NHS: variants seen among roughly 807,000 people sequenced by gnomAD.
The protein encoded by NHS is NHS actin remodeling regulator.
Under a neutral mutation model 72.5 loss-of-function variants are expected in NHS, and 5 were observed. That is an observed-to-expected ratio of 0.07 (90% CI 0.04 to 0.14). The LOEUF is 0.14. Ranked by LOEUF, NHS falls within the 10% of genes least tolerant of loss-of-function variation. The probability of loss-of-function intolerance (pLI) is 1.00; values close to 1 mark genes in which losing one functional copy is unlikely to be tolerated. For synonymous variants in NHS, 464 were observed against 547.7 expected (o/e 0.85, Z 2.13); for missense variants, 1,072 against 1,355.7 (o/e 0.79, Z 3.29).
At chrX:17,695,406 G>T (rs938237293) in intron 3 of NHS, among the ~76,000 whole-genome samples, 1 of 112,247 alleles carries the variant, frequency 8.9e-6, no homozygotes, top group Non-Finnish European at 1.9e-5. Context: ...TGTTAGAGAA[G>T]AATATTTAAT....
At chrX:17,404,723 G>A (rs1454603732) in intron 1 of NHS, among the ~76,000 whole-genome samples, 1 of 109,234 alleles carries the variant, frequency 9.2e-6, no homozygotes, top group Admixed American at 9.8e-5. Flanking sequence ...GCTCCCTCTG[G>A]TCCCAACTTT....
At chrX:17,475,689 T>C (rs1288825549) in intron 1 of NHS, among the ~76,000 whole-genome samples, 3 of 112,400 alleles carry the variant, frequency 2.7e-5, no homozygotes, top group African/African-American at 9.7e-5. Context: ...GCCAGTTATC[T>C]TTAATTTAAT....
At chrX:17,440,686 G>C (rs998008425) in intron 1 of NHS, among the ~76,000 whole-genome samples, 1 of 111,884 alleles carries the variant, frequency 8.9e-6, no homozygotes, top group African/African-American at 3.3e-5. Flanking sequence ...AGTTTGGAAG[G>C]AAATTCCTTG....
At chrX:17,648,985 G>A (rs1458103684) in intron 1 of NHS, among the ~76,000 whole-genome samples, 1 of 112,112 alleles carries the variant, frequency 8.9e-6, no homozygotes, top group East Asian at 2.8e-4. Context: ...CCATTTCATG[G>A]TGCTAGTTTC....
At chrX:17,482,725 G>C (rs1438473309) in intron 1 of NHS, among the ~76,000 whole-genome samples, 1 of 112,203 alleles carries the variant, frequency 8.9e-6, no homozygotes, top group Non-Finnish European at 1.9e-5. Context: ...CTGGGGCCAG[G>C]TAAGCCATAG....
chrX:17,414,518 G>A (rs930069850), intron 1 of NHS, among the ~76,000 whole-genome samples: 3 of 111,790 alleles, frequency 2.7e-5, no homozygotes, highest in East Asian at 5.6e-4. Context: ...CCCCGTCTCC[G>A]CGCCAGTGAA....
chrX:17,670,167 A>G (rs905453497), intron 1 of NHS, among the ~76,000 whole-genome samples: 1 of 112,587 alleles, frequency 8.9e-6, no homozygotes, highest in Non-Finnish European at 1.9e-5. Flanking sequence ...TCTGTGTGCC[A>G]CTTGTCCCCA....
chrX:17,434,441 ATTTTTTTTTTTT>A (rs1166011488), intron 1 of NHS, among the ~76,000 whole-genome samples: 2 of 91,901 alleles, frequency 2.2e-5, no homozygotes, highest in African/African-American at 8.7e-5. Context: ...CATTCAAACA[ATTTTTTTTTTTT>A]TTTTTTTTTG....
intron 1 of NHS, chrX:17,586,513 G>C (rs1471638769): frequency 8.9e-6 from 1 of 112,588 alleles, no homozygotes. Context: ...AGAAGGACAG[G>C]ACACTTTGTC....
intron 1 of NHS, among the ~76,000 whole-genome samples, chrX:17,671,646 C>T (rs960970834): frequency 1.8e-5 from 2 of 112,105 alleles, no homozygotes; most frequent in Non-Finnish European, 3.8e-5. Context: ...GAAAAAGCAT[C>T]TAGTTTGACA....
At chrX:17,434,304 T>A (rs763557336) in intron 1 of NHS, among the ~76,000 whole-genome samples, 1 of 111,387 alleles carries the variant, frequency 9.0e-6, no homozygotes, top group South Asian at 3.8e-4. Context: ...ACTGGAAACT[T>A]CCCCTCTCAG....
chrX:17,470,308 C>T (rs2064887139), intron 1 of NHS, among the ~76,000 whole-genome samples: 1 of 110,908 alleles, frequency 9.0e-6, no homozygotes, highest in South Asian at 3.9e-4. Context: ...ACGCACTGCC[C>T]GTTTCACAAT....
intron 3 of NHS, among the ~76,000 whole-genome samples, chrX:17,708,694 T>C (rs2066310288): frequency 9.0e-6 from 1 of 110,936 alleles, no homozygotes. Flanking sequence ...AATTTTGATA[T>C]GAACACTGGG....
At chrX:17,479,219 G>T (rs964291302) in intron 1 of NHS, among the ~76,000 whole-genome samples, 2 of 112,309 alleles carry the variant, frequency 1.8e-5, no homozygotes. Flanking sequence ...CCATGTTTCT[G>T]CAAAGGACAT....
At chrX:17,636,068 C>T (rs1311319410) in intron 1 of NHS, among the ~76,000 whole-genome samples, 1 of 112,183 alleles carries the variant, frequency 8.9e-6, no homozygotes, top group Non-Finnish European at 1.9e-5. Flanking sequence ...TTGCACCAGG[C>T]CCTATGTTGC....
intron 1 of NHS, among the ~76,000 whole-genome samples, chrX:17,424,459 CA>C (rs1260089760): frequency 9.0e-6 from 1 of 111,727 alleles, no homozygotes; most frequent in Non-Finnish European, 1.9e-5. Flanking sequence ...CTTTGCTTCC[CA>C]AAGGTTTATG....
At chrX:17,600,146 G>A (rs910748538) in intron 1 of NHS, among the ~76,000 whole-genome samples, 11 of 111,808 alleles carry the variant, frequency 9.8e-5, no homozygotes, top group Admixed American at 1.9e-4. Context: ...TGGATAAAAA[G>A]GCCGCCTGTC....
At chrX:17,395,221 T>A (rs2064467823) in intron 1 of NHS, among the ~76,000 whole-genome samples, 1 of 110,730 alleles carries the variant, frequency 9.0e-6, no homozygotes, top group Non-Finnish European at 1.9e-5. Context: ...GGTGCAACTT[T>A]GAATACTCAA....
chrX:17,622,962 C>A (rs1178005877), intron 1 of NHS, among the ~76,000 whole-genome samples: 2 of 110,728 alleles, frequency 1.8e-5, no homozygotes, highest in African/African-American at 6.6e-5. Flanking sequence ...GGTTCTTGCT[C>A]AGTCACCCAG....
Sources: allele counts gnomAD v4.1 joint callset (sites outside exome capture counted in the v4.1 genomes callset), GRCh38; gene constraint gnomAD v4.1.1; transcripts MANE v1.5; gene names NCBI Gene and HGNC (gene_info 2026-07-23, HGNC 2026-07-21).